The following PDE11A variants were observed in gnomAD, a reference collection of about 807,000 sequenced individuals.
The protein encoded by PDE11A is phosphodiesterase 11A, also known as dual 3',5'-cyclic-AMP and -GMP phosphodiesterase 11A.
In PDE11A, 100 loss-of-function variants were observed where a neutral mutation model predicts 100.5. That is an observed-to-expected ratio of 1.00 (90% CI 0.85 to 1.18). The LOEUF is 1.18. Ranked by LOEUF, PDE11A falls within the 50% of genes most tolerant of loss-of-function variation. PDE11A has a pLI of 0.00. For synonymous variants in PDE11A, 381 were observed against 420.8 expected (o/e 0.91, Z 1.16); for missense variants, 1,141 against 1,152.6 (o/e 0.99, Z 0.15).
chr2:177,853,676 ATATATG>A (rs1317751744), intron 5 of PDE11A, among the ~76,000 whole-genome samples: 14 of 36,200 alleles, frequency 3.9e-4, no homozygotes, highest in South Asian at 3.5e-3. Context: ...ATATATATAT[ATATATG>A]TGTGTGTGTG....
chr2:178,083,429 A>G (rs963042999), intron 2 of PDE11A, among the ~76,000 whole-genome samples: 3 of 152,236 alleles, frequency 2.0e-5, no homozygotes, highest in Non-Finnish European at 4.4e-5. Context: ...GGAGCACAAA[A>G]GTGTTAGGAA....
chr2:178,014,381 C>T lies in PDE11A; in HGVS notation c.992G>A (p.Ser331Asn). The change falls in exon 2 of 20, where the codon AGT becomes AAT. Residue 331 changes from serine (S) to asparagine (N), a missense_variant. Transcript: ENST00000286063. ...GGCCACACCAATAATCTCACCATCA[C>T]TGCTTCGGATAGGCATGCACAATAA... ...KSLLCMPIRS[S>N]DGEIIGVAQA... The T allele has an allele frequency of 4.3e-6, 7 of 1,612,354 alleles. No individual in the cohort carries two copies. The highest frequency in any genetic ancestry group is 5.9e-6 in the Non-Finnish European group (7 of 1,178,388).
At chr2:177,854,293 T>G (rs2083789961) in intron 5 of PDE11A, among the ~76,000 whole-genome samples, 1 of 152,042 alleles carries the variant, frequency 6.6e-6, no homozygotes, top group Non-Finnish European at 1.5e-5. Context: ...ATGAGAGCAT[T>G]TGAGTCTTCA....
chr2:177,897,531 A>G (rs1372119693), intron 4 of PDE11A, among the ~76,000 whole-genome samples: 1 of 152,194 alleles, frequency 6.6e-6, no homozygotes, highest in Non-Finnish European at 1.5e-5. Flanking sequence ...AATCTGCTGC[A>G]GGGAAGGGCC....
At chr2:178,005,515 T>C (rs1342106220) in intron 2 of PDE11A, among the ~76,000 whole-genome samples, 2 of 152,128 alleles carry the variant, frequency 1.3e-5, no homozygotes, top group African/African-American at 4.8e-5. Flanking sequence ...TACTTGGAAT[T>C]ACATTATATA....
intron 13 of PDE11A, among the ~76,000 whole-genome samples, chr2:177,706,214 T>A (rs1037471516): frequency 6.6e-6 from 1 of 152,248 alleles, no homozygotes; most frequent in Non-Finnish European, 1.5e-5. Context: ...TTGCATTTTA[T>A]ATAGTAATTT....
At chr2:177,799,229 T>C (rs530778833) in intron 9 of PDE11A, among the ~76,000 whole-genome samples, 1 of 152,252 alleles carries the variant, frequency 6.6e-6, no homozygotes, top group African/African-American at 2.4e-5. Context: ...ACATGATGAA[T>C]CAATGTAATA....
intron 2 of PDE11A, among the ~76,000 whole-genome samples, chr2:177,966,943 ATAC>A (rs1389489930): frequency 6.6e-6 from 1 of 152,068 alleles, no homozygotes; most frequent in African/African-American, 2.4e-5. Flanking sequence ...GCTCTTCTTT[ATAC>A]ATCTGGTAGA....
chr2:178,104,369 C>T (rs1389297340), exon 2 of PDE11A: 2 of 1,613,910 alleles, frequency 1.2e-6, no homozygotes, highest in African/African-American at 2.7e-5. Context: ...CAAAGAGGCC[C>T]CAGAGATTTG....
chr2:177,802,883 T>C (rs2105555874), intron 9 of PDE11A, among the ~76,000 whole-genome samples: 1 of 152,180 alleles, frequency 6.6e-6, no homozygotes, highest in Middle Eastern at 3.4e-3. Context: ...GGTATATTCA[T>C]ACTGCAAAAG....
Position 178,046,491 on chromosome 2 carries a change from T to C in PDE11A, c.912+25035A>G, listed in dbSNP as rs567082224. The stretch of plus-strand genomic sequence containing the variant: ...TGTATTGTAACCATCAATGTCTCCT[T>C]TCTACTTAGGTTTCTTGTTTGTTCG... On this transcript the variant is annotated intron_variant, in intron 1 of 19. Coordinates refer to ENST00000286063, the MANE Select transcript of PDE11A (RefSeq NM_016953.4). Among the ~76,000 whole-genome samples, 319 of 152,298 alleles carry C rather than the reference T, an allele frequency of 2.1e-3. 1 individual carries two copies. The highest frequency in any genetic ancestry group is 7.0e-3 in the African/African-American group (293 of 41,582).
At chr2:177,771,119 G>C (rs778115080) in intron 9 of PDE11A, among the ~76,000 whole-genome samples, 1 of 151,982 alleles carries the variant, frequency 6.6e-6, no homozygotes, top group South Asian at 2.1e-4. Flanking sequence ...ATGAGCCTTC[G>C]CACCCAGCCT....
intron 2 of PDE11A, among the ~76,000 whole-genome samples, chr2:177,945,093 A>C (rs2085392715): frequency 6.6e-6 from 1 of 150,588 alleles, no homozygotes; most frequent in Non-Finnish European, 1.5e-5. Context: ...AGGTGCCGGG[A>C]TTGCAGAGGG....
At chr2:177,762,676 G>T (rs1034878977) in intron 10 of PDE11A, among the ~76,000 whole-genome samples, 2 of 152,208 alleles carry the variant, frequency 1.3e-5, no homozygotes, top group Non-Finnish European at 2.9e-5. Context: ...GTGCTAACAT[G>T]GGGGAGGGAG....
chr2:177,992,271 T>TGTG lies in PDE11A; in HGVS notation c.1071+22030_1071+22031insCAC, dbSNP rs1429030121. On this transcript the variant is annotated intron_variant, in intron 2 of 19. Transcript: ENST00000286063. ...AATAAAAGTAATACAAGACCAAAGT[T>TGTG]TAACAAAGTTTTCAAACAGTATATA... 2.6e-5 allele frequency among the ~76,000 whole-genome samples: 4 copies of TGTG among 151,344 alleles called. No individual in the cohort carries two copies. In the East Asian group the frequency reaches 7.8e-4, roughly 29 times the overall value.
At chr2:177,808,370 A>G (rs1242283041) in intron 9 of PDE11A, among the ~76,000 whole-genome samples, 1 of 152,152 alleles carries the variant, frequency 6.6e-6, no homozygotes, top group African/African-American at 2.4e-5. Context: ...GGTCTGAAAA[A>G]ATTATTTTGG....
At chr2:178,021,683 AC>A (rs1226297719) in intron 1 of PDE11A, among the ~76,000 whole-genome samples, 2 of 152,254 alleles carry the variant, frequency 1.3e-5, no homozygotes, top group Non-Finnish European at 2.9e-5. Context: ...ATTACGGAAC[AC>A]AACAGCAGGG....
intron 5 of PDE11A, among the ~76,000 whole-genome samples, chr2:177,841,989 T>G (rs2083498875): frequency 6.6e-6 from 1 of 152,198 alleles, no homozygotes; most frequent in Non-Finnish European, 1.5e-5. Context: ...GAAAGCAAAA[T>G]CTAGGAGAAA....
intron 1 of PDE11A, among the ~76,000 whole-genome samples, chr2:178,021,529 A>C (rs1390521668): frequency 6.6e-6 from 1 of 152,208 alleles, no homozygotes. Flanking sequence ...GATGAAGAAA[A>C]TTAGGAAAAT....
Sources: gnomAD v4.1 joint callset for allele counts (sites outside exome capture counted in the v4.1 genomes callset) on GRCh38, gnomAD v4.1.1 for gene constraint, MANE v1.5 for transcripts, NCBI Gene and HGNC (gene_info 2026-07-23, HGNC 2026-07-21) for gene names.